STAT3: variants seen among roughly 807,000 people sequenced by gnomAD.
STAT3 encodes signal transducer and activator of transcription 3, also known as DNA-binding protein APRF.
A neutral mutation model predicts 114.3 loss-of-function variants in STAT3; 7 were observed. The observed-to-expected ratio is 0.06, with a 90% CI of 0.03 to 0.11. The LOEUF (loss-of-function observed/expected upper bound fraction) is 0.11. Ranked by LOEUF, STAT3 falls within the 10% of genes least tolerant of loss-of-function variation. The pLI, the probability that STAT3 is intolerant of heterozygous loss-of-function variation, is 1.00. For synonymous variants in STAT3, 331 were observed against 354.5 expected (o/e 0.93, Z 0.74); for missense variants, 364 against 960.9 (o/e 0.38, Z 8.21).
intron 1 of STAT3, among the ~76,000 whole-genome samples, chr17:42,359,889 T>A (rs1264821923): frequency 2.0e-5 from 3 of 151,636 alleles, no homozygotes; most frequent in African/African-American, 4.8e-5. Flanking sequence ...TGAAACCCCG[T>A]CTCTACTAAA....
At chr17:42,367,464 T>TC (rs771000018) in intron 1 of STAT3, among the ~76,000 whole-genome samples, 2 of 152,018 alleles carry the variant, frequency 1.3e-5, no homozygotes, top group African/African-American at 2.4e-5. Context: ...TCTCTTTGCC[T>TC]CCTTCCCTAC....
intron 14 of STAT3, among the ~76,000 whole-genome samples, chr17:42,327,323 T>C (rs2144741201): frequency 6.6e-6 from 1 of 152,316 alleles, no homozygotes; most frequent in South Asian, 2.1e-4. Flanking sequence ...ATCTAAGCAA[T>C]GCAGGTATTG....
intron 1 of STAT3, among the ~76,000 whole-genome samples, chr17:42,351,914 A>G (rs1598453585): frequency 6.6e-6 from 1 of 151,058 alleles, no homozygotes; most frequent in Non-Finnish European, 1.5e-5. Flanking sequence ...ACGCACCACC[A>G]TGCCCAGCTA....
In STAT3 at chr17:42,338,541, G is replaced by T. The variant is rs62075768; in HGVS notation, c.550+190C>A. On this transcript the variant is annotated intron_variant, in intron 6 of 23. Coordinates refer to ENST00000264657, the MANE Select transcript of STAT3 (RefSeq NM_139276.3). ...CTCCTTGACCTGAGGGAATACTCCT[G>T]GACCTGAGGGAATACTCCTGGACCT... Among the ~76,000 whole-genome samples the T allele has an allele frequency of 0.068, 2,478 of 36,234 alleles. 244 individuals are homozygous for T. The highest frequency in any genetic ancestry group is 0.2 in the Admixed American group (413 of 2,074). 23.8% of individuals were successfully genotyped at this position (36,234 alleles called of 152,430 possible).
chr17:42,378,774 C>T (rs1406130540), intron 1 of STAT3, among the ~76,000 whole-genome samples: 1 of 152,148 alleles, frequency 6.6e-6, no homozygotes, highest in Admixed American at 6.5e-5. Flanking sequence ...GTAATTTACA[C>T]AGCTAACATT....
chr17:42,318,024 G>A (rs1444308512), intron 21 of STAT3, among the ~76,000 whole-genome samples: 1 of 152,104 alleles, frequency 6.6e-6, no homozygotes. Flanking sequence ...CACAATCTCG[G>A]TTACCGCAAC....
chr17:42,326,571 C>A (rs982616562), intron 14 of STAT3, among the ~76,000 whole-genome samples: 4 of 151,904 alleles, frequency 2.6e-5, no homozygotes, highest in Non-Finnish European at 5.9e-5. Context: ...ACAATCCCAG[C>A]ATTTTGGGAG....
rs17879681 is a variant in STAT3 at position 42,320,348 on chromosome 17, AG to A, written c.2101+1933del. The stretch of plus-strand genomic sequence containing the variant: ...AGGAAAAAGTGGGAGGGAAGTTGGT[AG>A]GTTTCTGTGTGTGTGCTATTTGGAC... On this transcript the variant is annotated intron_variant, in intron 21 of 23. Coordinates refer to ENST00000264657, the MANE Select transcript of STAT3 (RefSeq NM_139276.3). Among the ~76,000 whole-genome samples the A allele has an allele frequency of 5.4e-3, 830 of 152,308 alleles. 13 individuals carry two copies. The highest frequency in any genetic ancestry group is 0.019 in the African/African-American group (780 of 41,572).
chr17:42,375,756 G>A (rs1181852848), intron 1 of STAT3, among the ~76,000 whole-genome samples: 1 of 151,732 alleles, frequency 6.6e-6, no homozygotes, highest in Non-Finnish European at 1.5e-5. Context: ...TTGAATTCGG[G>A]AGGCGGAGGT....
chr17:42,322,557 T>C (rs2081526480), intron 20 of STAT3, 63 bp from the exon 21 acceptor site: 2 of 1,579,916 alleles, frequency 1.3e-6, no homozygotes, highest in East Asian at 4.5e-5. Context: ...CAGAGAAAAC[T>C]GCCCATTTTT....
Position 42,324,695 on chromosome 17 carries a change from G to A in STAT3, c.1600+16C>T. ...CTGGGCGGGTGGGCGGGAGGGAGAA[G>A]GGGTGAAATGCGGACCCAAGAGTTT... On this transcript the variant is annotated intron_variant, in intron 17 of 23. Transcript: ENST00000264657. This position sits in a 1 kb window ranked among gnomAD's most constrained non-coding sequence, Gnocchi z 4.5. 1 of 1,598,556 alleles carries A rather than the reference G, an allele frequency of 6.3e-7. No homozygotes were observed. The highest frequency in any genetic ancestry group is 1.7e-4 in the Middle Eastern group (1 of 5,924).
chr17:42,313,392 A>AAAAAAAAAAAAAC lies in STAT3; in HGVS notation c.*2352_*2353insGTTTTTTTTTTTT, dbSNP rs2081143611. ...ACAGCAATATACCAAAAAAAAAAAA[A>AAAAAAAAAAAAAC]AAAAAAAAAGACAAAAAACCTCACA... On this transcript the variant is annotated 3_prime_UTR_variant, in exon 24 of 24. Coordinates refer to ENST00000264657, the MANE Select transcript of STAT3 (RefSeq NM_139276.3). 5.0e-6 allele frequency: 1 copy of AAAAAAAAAAAAAC among 199,940 alleles called. No individual in the cohort carries two copies. The highest frequency in any genetic ancestry group is 1.0e-5 in the Non-Finnish European group (1 of 96,798). The allele number at this position is 199,940 out of a possible 1,614,324, so 12.4% of individuals were successfully genotyped here.
chr17:42,373,176 C>T (rs949373163), intron 1 of STAT3, among the ~76,000 whole-genome samples: 1 of 152,158 alleles, frequency 6.6e-6, no homozygotes, highest in East Asian at 1.9e-4. Flanking sequence ...TAGTGAAACC[C>T]TGTCTCTATC....
At chr17:42,323,517 G>A (rs891506543) in intron 18 of STAT3, 56 bp downstream of exon 18, 18 of 1,598,944 alleles carry the variant, frequency 1.1e-5, no homozygotes, top group Non-Finnish European at 1.4e-5. Flanking sequence ...AGCCCTCAAC[G>A]ACAGCCGTGC....
In STAT3 at chr17:42,313,407, A is replaced by T. The variant is rs2081145159; in HGVS notation, c.*2338T>A. The T allele has an allele frequency of 4.7e-6, 1 of 211,148 alleles. No individual in the cohort carries two copies. Among genetic ancestry groups the T allele is most frequent in the African/African-American group, 2.3e-5 (1 of 43,990 alleles). 13.1% of individuals were successfully genotyped at this position (211,148 alleles called of 1,614,324 possible). A position where few individuals can be genotyped will look rare whatever the true frequency, so the allele number is the denominator to read the frequency against. On this transcript the variant is annotated 3_prime_UTR_variant, in exon 24 of 24. Coordinates refer to ENST00000264657, the MANE Select transcript of STAT3 (RefSeq NM_139276.3). The stretch of plus-strand genomic sequence containing the variant: ...AAAAAAAAAAAAAAAAAAAAGACAA[A>T]AAACCTCACAATAATATAAATTTTT...
chr17:42,384,131 TA>T (rs67006751), intron 1 of STAT3, among the ~76,000 whole-genome samples: 15,941 of 85,362 alleles, frequency 0.19, 1,028 homozygotes, highest in South Asian at 0.32. Flanking sequence ...TTTATTTATT[TA>T]TTTTTTTTTT....
At position 42,324,505 on chromosome 17, in the gene STAT3, C is replaced by A. The variant is rs1044369801; in HGVS notation, c.1600+206G>T. ...GAGAAAAGAAATCTACCTCCCACCT[C>A]AAAAATGATCACCTCGACTGAAAAC... On this transcript the variant is annotated intron_variant, in intron 17 of 23. Transcript: ENST00000264657. This position sits in a 1 kb window ranked among gnomAD's most constrained non-coding sequence, Gnocchi z 4.5. Among the ~76,000 whole-genome samples, 1 of 152,042 alleles carries A rather than the reference C, an allele frequency of 6.6e-6. No individual in the cohort carries two copies. The highest frequency in any genetic ancestry group is 2.4e-5 in the African/African-American group (1 of 41,372).
At chr17:42,385,873 T>A (rs2085073669) in intron 1 of STAT3, among the ~76,000 whole-genome samples, 1 of 152,166 alleles carries the variant, frequency 6.6e-6, no homozygotes, top group African/African-American at 2.4e-5. Flanking sequence ...ATTAGAAAAA[T>A]AATCTAAGCA....
At chr17:42,341,870 T>C (rs2144924794) in intron 4 of STAT3, among the ~76,000 whole-genome samples, 1 of 151,868 alleles carries the variant, frequency 6.6e-6, no homozygotes, top group Admixed American at 6.6e-5. Flanking sequence ...AAAAACCTCA[T>C]TTACAAAAAC....
Sources: gnomAD v4.1 joint callset for allele counts (sites outside exome capture counted in the v4.1 genomes callset) on GRCh38, gnomAD v4.1.1 for gene constraint, Gnocchi (gnomAD v3.1) non-coding constraint, MANE v1.5 for transcripts, NCBI Gene and HGNC (gene_info 2026-07-23, HGNC 2026-07-21) for gene names.